EXOC2: variants seen among roughly 807,000 people sequenced by gnomAD.
EXOC2 encodes the protein exocyst complex component 2, also known as SEC5-like 1.
EXOC2 carries 70 observed loss-of-function variants against 131.8 expected under a neutral mutation model. The ratio of observed to expected loss-of-function variants is 0.53; its 90% CI spans 0.44 to 0.65. The LOEUF (loss-of-function observed/expected upper bound fraction) is 0.65, where lower values mean the gene tolerates loss of function less well. Ranked by LOEUF, EXOC2 falls within the 30% of genes least tolerant of loss-of-function variation. The pLI is 0.00. For missense variants in EXOC2, 923 were observed against 1,108.6 expected, an observed-to-expected ratio of 0.83 and a Z score of 2.38; for synonymous variants, 411 against 398.4, an observed-to-expected ratio of 1.03 and a Z score of -0.38.
chr6:619,171 A>G (rs920990691), intron 5 of EXOC2, among the ~76,000 whole-genome samples: 1 of 152,228 alleles, frequency 6.6e-6, no homozygotes, highest in African/African-American at 2.4e-5. Context: ...TAAATTTTTA[A>G]TAACCTGCAT....
At chr6:535,119 AAAAGAT>A (rs1396150709) in intron 22 of EXOC2, among the ~76,000 whole-genome samples, 2 of 152,216 alleles carry the variant, frequency 1.3e-5, no homozygotes, top group East Asian at 3.8e-4. Flanking sequence ...AAATAGAAGG[AAAAGAT>A]AAAGAACAGA....
chr6:654,834 A>G (rs1382543579), intron 1 of EXOC2, among the ~76,000 whole-genome samples: 1 of 143,234 alleles, frequency 7.0e-6, no homozygotes, highest in African/African-American at 2.6e-5. Flanking sequence ...AAAAAAAAAA[A>G]AAAGTAGAGC....
At chr6:537,855 A>C (rs1472971252) in intron 22 of EXOC2, among the ~76,000 whole-genome samples, 1 of 152,246 alleles carries the variant, frequency 6.6e-6, no homozygotes, top group Non-Finnish European at 1.5e-5. Flanking sequence ...ATGGAACTCC[A>C]CGTAAAGTTC....
At chr6:652,064 A>G (rs529514148) in intron 1 of EXOC2, among the ~76,000 whole-genome samples, 1 of 152,166 alleles carries the variant, frequency 6.6e-6, no homozygotes, top group African/African-American at 2.4e-5. Context: ...TCAAAAAAAA[A>G]AAAAAAACTT....
chr6:558,009 G>A (rs796108955), intron 17 of EXOC2, among the ~76,000 whole-genome samples: 42 of 151,794 alleles, frequency 2.8e-4, no homozygotes, highest in African/African-American at 9.7e-4. Flanking sequence ...GTAGGCGGCC[G>A]GGCTTCATCC....
intron 1 of EXOC2, among the ~76,000 whole-genome samples, chr6:666,344 A>G (rs912759229): frequency 6.6e-6 from 1 of 152,274 alleles, no homozygotes; most frequent in African/African-American, 2.4e-5. Flanking sequence ...AGGCATCTTC[A>G]CCACGGCAGT....
intron 1 of EXOC2, chr6:656,923 T>G (rs28642027): frequency 6.5e-7 from 1 of 1,531,508 alleles, no homozygotes; most frequent in Non-Finnish European, 8.8e-7. Context: ...CCTTTGCCGG[T>G]GATCTTGGCG....
At chr6:536,404 C>T (rs1329994901) in intron 22 of EXOC2, among the ~76,000 whole-genome samples, 1 of 151,930 alleles carries the variant, frequency 6.6e-6, no homozygotes, top group African/African-American at 2.4e-5. Context: ...TAACAAAAGA[C>T]ATGGAAAATC....
At chr6:618,196 A>G (rs913203421) in intron 5 of EXOC2, among the ~76,000 whole-genome samples, 5 of 152,348 alleles carry the variant, frequency 3.3e-5, no homozygotes, top group African/African-American at 1.2e-4. Flanking sequence ...GAAGACACAG[A>G]TCATCCAGTG....
chr6:594,664 C>A (rs1011790670), intron 10 of EXOC2, among the ~76,000 whole-genome samples: 14 of 152,142 alleles, frequency 9.2e-5, no homozygotes, highest in African/African-American at 2.9e-4. Flanking sequence ...CCTTGCAAAA[C>A]CTAATAACAA....
chr6:605,839 A>T (rs961748125), intron 7 of EXOC2, among the ~76,000 whole-genome samples: 5 of 152,184 alleles, frequency 3.3e-5, no homozygotes, highest in Non-Finnish European at 7.3e-5. Flanking sequence ...CTGGGCATTT[A>T]GTGCTATAAA....
intron 5 of EXOC2, among the ~76,000 whole-genome samples, chr6:618,485 TG>T (rs1483393811): frequency 6.6e-6 from 1 of 152,026 alleles, no homozygotes; most frequent in East Asian, 1.9e-4. Flanking sequence ...AACGTATTCT[TG>T]ATAGACCTAC....
At chr6:584,249 C>T (rs1342480966) in intron 11 of EXOC2, among the ~76,000 whole-genome samples, 1 of 151,976 alleles carries the variant, frequency 6.6e-6, no homozygotes, top group Non-Finnish European at 1.5e-5. Flanking sequence ...TCTACCTGAC[C>T]CTGCATTATG....
chr6:689,731 C>CA (rs1394303930), intron 1 of EXOC2, among the ~76,000 whole-genome samples: 3 of 152,128 alleles, frequency 2.0e-5, no homozygotes, highest in African/African-American at 7.2e-5. Context: ...CTGGAAGATA[C>CA]AAAAATAATT....
chr6:517,444 T>A (rs1363123476), intron 23 of EXOC2, among the ~76,000 whole-genome samples: 1 of 152,210 alleles, frequency 6.6e-6, no homozygotes, highest in African/African-American at 2.4e-5. Context: ...AGTAATGACC[T>A]TTGAGAAATA....
intron 4 of EXOC2, among the ~76,000 whole-genome samples, chr6:623,770 C>T (rs183207411): frequency 6.6e-6 from 1 of 152,272 alleles, no homozygotes; most frequent in Non-Finnish European, 1.5e-5. Flanking sequence ...ACAGTGATGT[C>T]GGAGGAAGGT....
intron 22 of EXOC2, among the ~76,000 whole-genome samples, chr6:534,558 A>T (rs1320947478): frequency 6.6e-6 from 1 of 152,232 alleles, no homozygotes; most frequent in Non-Finnish European, 1.5e-5. Flanking sequence ...CAGTACTGGG[A>T]GCTGAAATCA....
At chr6:511,171 G>A (rs1328607612) in intron 23 of EXOC2, among the ~76,000 whole-genome samples, 2 of 152,208 alleles carry the variant, frequency 1.3e-5, no homozygotes, top group South Asian at 2.1e-4. Flanking sequence ...GGCCTGGCAC[G>A]CAAGATGGTG....
chr6:670,759 T>A (rs1430555601), intron 1 of EXOC2, among the ~76,000 whole-genome samples: 1 of 152,200 alleles, frequency 6.6e-6, no homozygotes, highest in East Asian at 1.9e-4. Context: ...TTCTGTTGCA[T>A]AAGACACAAT....
Sources: allele counts gnomAD v4.1 joint callset (sites outside exome capture counted in the v4.1 genomes callset), GRCh38; gene constraint gnomAD v4.1.1; transcripts MANE v1.5; gene names NCBI Gene and HGNC (gene_info 2026-07-23, HGNC 2026-07-21).